LGSN: variants seen among roughly 807,000 people sequenced by gnomAD.
The protein encoded by LGSN is lengsin.
A neutral mutation model predicts 19.5 loss-of-function variants in LGSN; 21 were observed. The ratio of observed to expected loss-of-function variants is 1.07; its 90% confidence interval spans 0.76 to 1.55. The LOEUF (loss-of-function observed/expected upper bound fraction) is 1.55, where lower values mean the gene tolerates loss of function less well. Ranked by LOEUF, LGSN falls within the 40% of genes most tolerant of loss-of-function variation. LGSN has a pLI of 0.00. For missense variants in LGSN, 673 were observed against 608.5 expected, an observed-to-expected ratio of 1.11 and a Z score of -1.12; for synonymous variants, 257 against 215.6, an observed-to-expected ratio of 1.19 and a Z score of -1.68.
the LGSN span, among the ~76,000 whole-genome samples, chr6:63,466,025 C>T: frequency 1.1e-4 from 17 of 152,220 alleles, no homozygotes; most frequent in Non-Finnish European, 2.2e-4. Flanking sequence ...GCTGGAGTGC[C>T]GTAGCACCAT....
At chr6:63,307,336 G>C (rs1768430392) in intron 1 of LGSN, among the ~76,000 whole-genome samples, 1 of 152,206 alleles carries the variant, frequency 6.6e-6, no homozygotes, top group Admixed American at 6.5e-5. Flanking sequence ...AACCCAGCCA[G>C]TTGGCTCCAG....
the LGSN span, among the ~76,000 whole-genome samples, chr6:63,433,976 C>T: frequency 6.6e-6 from 1 of 152,196 alleles, no homozygotes; most frequent in Non-Finnish European, 1.5e-5. Flanking sequence ...TTCAATAAAA[C>T]ATTTTTTTAC....
At chr6:63,389,511 CAGA>C in the LGSN span, among the ~76,000 whole-genome samples, 3 of 152,182 alleles carry the variant, frequency 2.0e-5, no homozygotes, top group East Asian at 1.9e-4. Context: ...AATCTGATAA[CAGA>C]AGAAGAGAAC....
At chr6:63,573,234 T>G in the LGSN span, 3 of 152,520 alleles carry the variant, frequency 2.0e-5, no homozygotes, top group African/African-American at 7.2e-5. Context: ...GGGCTGCGCG[T>G]GTCACTGCGG....
chr6:63,536,972 T>C, the LGSN span, among the ~76,000 whole-genome samples: 1 of 152,188 alleles, frequency 6.6e-6, no homozygotes, highest in Non-Finnish European at 1.5e-5. Flanking sequence ...TCAAATGAAT[T>C]AGAGAAAGTG....
intron 1 of LGSN, among the ~76,000 whole-genome samples, chr6:63,305,148 T>C (rs1768330753): frequency 6.6e-6 from 1 of 152,140 alleles, no homozygotes; most frequent in African/African-American, 2.4e-5. Flanking sequence ...GTACAGTTTT[T>C]TTTTCTTCTG....
At chr6:63,347,729 A>G in the LGSN span, among the ~76,000 whole-genome samples, 1 of 152,246 alleles carries the variant, frequency 6.6e-6, no homozygotes, top group Non-Finnish European at 1.5e-5. Flanking sequence ...CCACGTAAAT[A>G]TCTGTTCCAT....
At chr6:63,488,344 G>T in the LGSN span, among the ~76,000 whole-genome samples, 18 of 152,264 alleles carry the variant, frequency 1.2e-4, no homozygotes, top group Middle Eastern at 3.4e-3. Context: ...AAAAGAGAAG[G>T]TCAGGCTGCT....
the LGSN span, among the ~76,000 whole-genome samples, chr6:63,407,477 C>CA: frequency 3.9e-5 from 6 of 152,204 alleles, no homozygotes; most frequent in African/African-American, 1.4e-4. Flanking sequence ...CAAAATTCAA[C>CA]AGCGCTTCAT....
the LGSN span, among the ~76,000 whole-genome samples, chr6:63,377,503 C>T: frequency 6.6e-6 from 1 of 152,160 alleles, no homozygotes; most frequent in African/African-American, 2.4e-5. Flanking sequence ...AACTAATTAC[C>T]TCATGGTGTG....
chr6:63,495,730 G>A, the LGSN span, among the ~76,000 whole-genome samples: 8 of 151,940 alleles, frequency 5.3e-5, no homozygotes, highest in African/African-American at 1.4e-4. Context: ...GATTATAGGC[G>A]TGAGCCACCA....
chr6:63,343,810 G>T, the LGSN span, among the ~76,000 whole-genome samples: 1 of 152,118 alleles, frequency 6.6e-6, no homozygotes, highest in African/African-American at 2.4e-5. Context: ...TATCCCATGA[G>T]CCTTTTAAAA....
chr6:63,434,790 G>A, the LGSN span, among the ~76,000 whole-genome samples: 1 of 152,030 alleles, frequency 6.6e-6, no homozygotes, highest in Non-Finnish European at 1.5e-5. Flanking sequence ...AACCAGAGGG[G>A]AAGACAGCCT....
the LGSN span, among the ~76,000 whole-genome samples, chr6:63,535,671 T>C: frequency 1.3e-5 from 2 of 152,192 alleles, no homozygotes; most frequent in Non-Finnish European, 2.9e-5. Flanking sequence ...AGCAACATCA[T>C]AAACACATTT....
chr6:63,498,686 T>C, the LGSN span, among the ~76,000 whole-genome samples: 4 of 152,134 alleles, frequency 2.6e-5, no homozygotes, highest in African/African-American at 9.7e-5. Context: ...TGTTTTCATG[T>C]GGTTTCTCCC....
chr6:63,370,483 G>A, the LGSN span, among the ~76,000 whole-genome samples: 1 of 152,242 alleles, frequency 6.6e-6, no homozygotes, highest in African/African-American at 2.4e-5. Flanking sequence ...TTAATGCCCA[G>A]AGGCCACTAC....
the LGSN span, among the ~76,000 whole-genome samples, chr6:63,386,084 C>T: frequency 3.3e-5 from 5 of 152,070 alleles, no homozygotes; most frequent in African/African-American, 1.2e-4. Flanking sequence ...GAAATACATA[C>T]AATTTCTCAT....
In LGSN at chr6:63,294,978, T is replaced by C. The variant is rs1191223568; in HGVS notation, c.98A>G (p.Lys33Arg). 9 of 1,613,682 alleles carry C rather than the reference T, an allele frequency of 5.6e-6. No individual in the cohort carries two copies. In the Admixed American group the frequency reaches 1.5e-4, roughly 27 times the overall value. The change falls in exon 2 of 4, where the codon AAG (lysine) becomes AGG (arginine). Residue 33 changes from lysine (K) to arginine (R), a missense_variant. Physicochemically the swap from Lys to Arg is conservative, Grantham distance 26. Transcript: ENST00000370657. ...NSMNTLRRTR[K>R]KVTKPYVCST... ...ACAAACATATGGTTTAGTGACTTTC[T>C]TCCTTGTCCTTCTTAATGTGTTCAT...
chr6:63,359,026 T>A, the LGSN span, among the ~76,000 whole-genome samples: 2 of 152,156 alleles, frequency 1.3e-5, no homozygotes, highest in South Asian at 2.1e-4. Flanking sequence ...TAATTTATTG[T>A]GAGTTTTTAG....
Sources: gnomAD v4.1 joint callset for allele counts (sites outside exome capture counted in the v4.1 genomes callset) on GRCh38, gnomAD v4.1.1 for gene constraint, MANE v1.5 for transcripts, NCBI Gene and HGNC (gene_info 2026-07-23, HGNC 2026-07-21) for gene names.